DLG2: variants seen among roughly 807,000 people sequenced by gnomAD.
DLG2 encodes the protein discs large MAGUK scaffold protein 2, also known as disks large homolog 2.
A neutral mutation model predicts 132.5 loss-of-function variants in DLG2; 45 were observed. The observed-to-expected ratio is 0.34, with a 90% CI of 0.27 to 0.44. DLG2 has a LOEUF of 0.44. Ranked by LOEUF, DLG2 falls within the 20% of genes least tolerant of loss-of-function variation. The probability of loss-of-function intolerance (pLI) is 1.00; values close to 1 mark genes in which losing one functional copy is unlikely to be tolerated. For synonymous variants in DLG2, 424 were observed against 419.6 expected, an observed-to-expected ratio of 1.01 and a Z score of -0.13; for missense variants, 1,045 against 1,196.9, an observed-to-expected ratio of 0.87 and a Z score of 1.87.
chr11:83,877,050 T>G (rs956626598), intron 15 of DLG2, among the ~76,000 whole-genome samples: 35 of 152,142 alleles, frequency 2.3e-4, no homozygotes, highest in African/African-American at 8.0e-4. Flanking sequence ...TCAGATGCGT[T>G]TCCCAAAATG....
chr11:85,494,653 T>C (rs1227482734), intron 3 of DLG2, among the ~76,000 whole-genome samples: 8 of 151,636 alleles, frequency 5.3e-5, no homozygotes, highest in African/African-American at 2.0e-4. Context: ...GTTTTATCTT[T>C]AAAGAGTCCA....
chr11:85,341,665 G>A (rs538585356), intron 3 of DLG2, among the ~76,000 whole-genome samples: 7 of 152,062 alleles, frequency 4.6e-5, no homozygotes, highest in Non-Finnish European at 1.0e-4. Context: ...TCCTAAAATT[G>A]TACTTTTAGG....
intron 19 of DLG2, among the ~76,000 whole-genome samples, chr11:83,568,042 C>T (rs114916992): frequency 0.015 from 2,271 of 152,148 alleles, 66 homozygotes; most frequent in African/African-American, 0.052. Context: ...AGGACACAGA[C>T]AGGTAAGCAT....
intron 6 of DLG2, chr11:84,800,474 T>C (rs1292925376): frequency 6.6e-6 from 1 of 152,208 alleles, no homozygotes; most frequent in Non-Finnish European, 1.5e-5. Context: ...TATTACTCTA[T>C]ACTTGACATT....
intron 4 of DLG2, among the ~76,000 whole-genome samples, chr11:85,188,256 C>T (rs1467547279): frequency 6.6e-6 from 1 of 152,144 alleles, no homozygotes; most frequent in Non-Finnish European, 1.5e-5. Flanking sequence ...GACCACTAAG[C>T]TATGCTGACA....
chr11:85,057,055 T>G (rs557148517), intron 6 of DLG2, among the ~76,000 whole-genome samples: 2 of 151,816 alleles, frequency 1.3e-5, no homozygotes, highest in Non-Finnish European at 3.0e-5. Flanking sequence ...TAAGTGAATA[T>G]TGGCTATGCA....
At chr11:84,710,808 A>T (rs543805075) in intron 6 of DLG2, among the ~76,000 whole-genome samples, 3 of 151,666 alleles carry the variant, frequency 2.0e-5, no homozygotes, top group African/African-American at 7.2e-5. Flanking sequence ...ACACACACAC[A>T]CACATACACA....
chr11:84,593,078 C>T (rs1423623736), intron 6 of DLG2, among the ~76,000 whole-genome samples: 1 of 149,330 alleles, frequency 6.7e-6, no homozygotes, highest in African/African-American at 2.5e-5. Flanking sequence ...AAGATCGTGC[C>T]ACTGCACTCC....
At chr11:83,860,376 C>A (rs772843914) in intron 16 of DLG2, among the ~76,000 whole-genome samples, 1 of 152,206 alleles carries the variant, frequency 6.6e-6, no homozygotes, top group Non-Finnish European at 1.5e-5. Context: ...CCACCTCTTA[C>A]ATCAGCATGA....
At chr11:84,187,546 T>C (rs2096301457) in intron 8 of DLG2, among the ~76,000 whole-genome samples, 1 of 152,064 alleles carries the variant, frequency 6.6e-6, no homozygotes, top group East Asian at 1.9e-4. Flanking sequence ...AATTTGGTCA[T>C]CTTAAAACCA....
At chr11:84,871,028 C>G (rs1277422931) in intron 6 of DLG2, among the ~76,000 whole-genome samples, 2 of 152,176 alleles carry the variant, frequency 1.3e-5, no homozygotes. Context: ...TTGCAGCTAA[C>G]AAATAGGAAA....
chr11:84,051,467 C>G (rs1169136281), intron 11 of DLG2, among the ~76,000 whole-genome samples: 1 of 151,850 alleles, frequency 6.6e-6, no homozygotes, highest in Non-Finnish European at 1.5e-5. Context: ...AGTTCATGTC[C>G]TTTGTAGGGA....
At chr11:84,471,421 C>A (rs772668874) in intron 7 of DLG2, among the ~76,000 whole-genome samples, 1 of 151,744 alleles carries the variant, frequency 6.6e-6, no homozygotes, top group Non-Finnish European at 1.5e-5. Flanking sequence ...CTTTTACTTT[C>A]TACTTATTTG....
chr11:83,758,897 G>A lies in DLG2; in HGVS notation c.1825+27793C>T, dbSNP rs886309968. Among the ~76,000 whole-genome samples the A allele has an allele frequency of 1.8e-4, 28 of 151,654 alleles. 1 individual carries two copies. Among genetic ancestry groups the A allele is most frequent in the African/African-American group, 5.3e-4 (22 of 41,354 alleles). On this transcript the variant is annotated intron_variant, in intron 18 of 27. Coordinates refer to ENST00000376104, the MANE Select transcript of DLG2 (RefSeq NM_001142699.3). Reference sequence around the variant, plus strand: ...TGTAATATAATATTTTTATGGATACGACTGCTGAACTTTTGATGAAGCAGA... The same window carrying A: ...TGTAATATAATATTTTTATGGATACAACTGCTGAACTTTTGATGAAGCAGA...
intron 5 of DLG2, among the ~76,000 whole-genome samples, chr11:85,135,032 A>G (rs2076052734): frequency 6.6e-6 from 1 of 152,146 alleles, no homozygotes; most frequent in South Asian, 2.1e-4. Context: ...ATTCACCCTC[A>G]TTTGTTACAT....
intron 2 of DLG2, among the ~76,000 whole-genome samples, chr11:85,626,064 G>A (rs952387353): frequency 4.6e-5 from 7 of 152,230 alleles, no homozygotes; most frequent in Non-Finnish European, 4.4e-5. Context: ...CAATAGTCAC[G>A]AAAGTTGTGC....
At chr11:83,703,296 ACC>A (rs2083291401) in intron 18 of DLG2, among the ~76,000 whole-genome samples, 1 of 152,228 alleles carries the variant, frequency 6.6e-6, no homozygotes, top group Non-Finnish European at 1.5e-5. Flanking sequence ...GACTTTATTA[ACC>A]TAGGTTCTTG....
chr11:84,398,876 C>A (rs1174681620), intron 7 of DLG2, among the ~76,000 whole-genome samples: 2 of 152,170 alleles, frequency 1.3e-5, no homozygotes, highest in Admixed American at 6.5e-5. Context: ...ACTGTGGACT[C>A]AAAACACTCT....
intron 3 of DLG2, among the ~76,000 whole-genome samples, chr11:85,497,100 G>C (rs534328134): frequency 1.3e-5 from 2 of 152,142 alleles, no homozygotes; most frequent in Admixed American, 6.5e-5. Context: ...ACAGAAGTAG[G>C]CTTCAGAAAG....
Sources: gnomAD v4.1 joint callset for allele counts (sites outside exome capture counted in the v4.1 genomes callset) on GRCh38, gnomAD v4.1.1 for gene constraint, MANE v1.5 for transcripts, NCBI Gene and HGNC (gene_info 2026-07-23, HGNC 2026-07-21) for gene names.